RALGAPA1: variants seen among roughly 807,000 people sequenced by gnomAD.
RALGAPA1 encodes Ral GTPase activating protein catalytic subunit alpha 1.
In RALGAPA1, 52 loss-of-function variants were observed where a neutral mutation model predicts 269.6. The observed-to-expected ratio is 0.19, with a 90% CI of 0.15 to 0.24. RALGAPA1 has a LOEUF of 0.24. Ranked by LOEUF, RALGAPA1 falls within the 10% of genes least tolerant of loss-of-function variation. The pLI, the probability that RALGAPA1 is intolerant of heterozygous loss-of-function variation, is 1.00. For synonymous variants in RALGAPA1, 817 were observed against 1,008.3 expected, an observed-to-expected ratio of 0.81 and a Z score of 3.60; for missense variants, 1,917 against 3,013.9, an observed-to-expected ratio of 0.64 and a Z score of 8.52.
At chr14:35,776,572 G>A (rs905469739) in intron 1 of RALGAPA1, among the ~76,000 whole-genome samples, 3 of 152,176 alleles carry the variant, frequency 2.0e-5, no homozygotes, top group African/African-American at 7.2e-5. Context: ...ATGAACAGTA[G>A]AAGTGTTAGT....
At chr14:35,634,029 T>TTGCA (rs2061516882) in intron 33 of RALGAPA1, among the ~76,000 whole-genome samples, 1 of 152,176 alleles carries the variant, frequency 6.6e-6, no homozygotes, top group Admixed American at 6.5e-5. Context: ...AGAAAACAGA[T>TTGCA]ATTTAGCAAT....
chr14:35,626,898 C>T (rs2061023853), intron 34 of RALGAPA1, among the ~76,000 whole-genome samples, 192 bp downstream of exon 34: 1 of 151,462 alleles, frequency 6.6e-6, no homozygotes, highest in African/African-American at 2.4e-5. Context: ...TGATAATTTG[C>T]TGGATTATTT....
At chr14:35,745,545 C>A (rs966565166) in intron 10 of RALGAPA1, among the ~76,000 whole-genome samples, 10 of 148,566 alleles carry the variant, frequency 6.7e-5, no homozygotes, top group African/African-American at 2.5e-4. Context: ...GCGGGCAGAT[C>A]ACGAGGTCAG....
At chr14:35,566,568 G>A (rs1258546831) in intron 39 of RALGAPA1, among the ~76,000 whole-genome samples, 1 of 151,896 alleles carries the variant, frequency 6.6e-6, no homozygotes, top group Non-Finnish European at 1.5e-5. Context: ...AAGCCTACCT[G>A]TATCTCAATT....
chr14:35,675,418 C>T (rs1384403932), intron 22 of RALGAPA1, among the ~76,000 whole-genome samples: 8 of 152,144 alleles, frequency 5.3e-5, no homozygotes, highest in Admixed American at 1.3e-4. Flanking sequence ...CCTCATGATC[C>T]GCCCACCTTG....
intron 1 of RALGAPA1, among the ~76,000 whole-genome samples, chr14:35,796,507 T>C (rs2076570941): frequency 6.6e-6 from 1 of 152,128 alleles, no homozygotes; most frequent in Non-Finnish European, 1.5e-5. Context: ...TGATGAAAAC[T>C]ATAAACCCAC....
At chr14:35,654,919 A>T (rs1234473648) in intron 29 of RALGAPA1, among the ~76,000 whole-genome samples, 1 of 152,154 alleles carries the variant, frequency 6.6e-6, no homozygotes, top group Non-Finnish European at 1.5e-5. Flanking sequence ...CATTTCACCC[A>T]CACTTCAAAC....
intron 39 of RALGAPA1, among the ~76,000 whole-genome samples, chr14:35,563,030 A>T (rs1405355130): frequency 7.0e-6 from 1 of 142,852 alleles, no homozygotes; most frequent in Non-Finnish European, 1.5e-5. Flanking sequence ...CAAAAAAAAA[A>T]AAAAAAAAAA....
At chr14:35,747,285 C>T (rs999592987) in intron 10 of RALGAPA1, among the ~76,000 whole-genome samples, 1 of 152,142 alleles carries the variant, frequency 6.6e-6, no homozygotes, top group Non-Finnish European at 1.5e-5. Flanking sequence ...AATTTGAAAA[C>T]AAACACAAGA....
chr14:35,756,683 A>G, intron 7 of RALGAPA1, 110 bp downstream of exon 7: 1 of 748,688 alleles, frequency 1.3e-6, no homozygotes, highest in Non-Finnish European at 2.0e-6. Flanking sequence ...CTCCCTGACA[A>G]AAAGAAAATA....
At position 35,655,787 on chromosome 14, in the gene RALGAPA1, C is replaced by T; in HGVS notation, c.5496+20G>A. 1 of 1,608,234 alleles carries T rather than the reference C, an allele frequency of 6.2e-7. No homozygotes were observed. Among genetic ancestry groups the T allele is most frequent in the Non-Finnish European group, 8.5e-7 (1 of 1,178,440 alleles). ...CATTCTCTCCTATCTTAATATATTT[C>T]ACTAAACAGTTTTCTTTACCTTTAA... is the stretch of plus-strand genomic sequence containing the variant. On this transcript the variant is annotated intron_variant, in intron 29 of 41. Transcript: ENST00000680220.
chr14:35,544,581 C>T (rs1399835858), intron 41 of RALGAPA1, among the ~76,000 whole-genome samples: 1 of 152,026 alleles, frequency 6.6e-6, no homozygotes, highest in African/African-American at 2.4e-5. Context: ...GAAACTGAAC[C>T]AGCAGTTATC....
rs114544810 is a variant in RALGAPA1 at position 35,678,134 on chromosome 14, A to G, written c.4472-32T>C. On this transcript the variant is annotated intron_variant, in intron 21 of 41. Coordinates refer to ENST00000680220, the MANE Select transcript of RALGAPA1 (RefSeq NM_001346249.2). Reference sequence around the variant, plus strand: ...ATATAATTTCATAAAATTACCATAAAGAGTATTCAATATCCTACCTAAGAT... The same window carrying G: ...ATATAATTTCATAAAATTACCATAAGGAGTATTCAATATCCTACCTAAGAT... 1,611 of 1,582,890 alleles carry G rather than the reference A, an allele frequency of 1.0e-3. 6 individuals are homozygous for G. The African/African-American group carries it at 0.016, about 16-fold the overall frequency.
intron 1 of RALGAPA1, among the ~76,000 whole-genome samples, chr14:35,795,223 C>G (rs1243835410): frequency 1.3e-5 from 2 of 152,062 alleles, no homozygotes; most frequent in Non-Finnish European, 2.9e-5. Flanking sequence ...GAGGAGAAAG[C>G]AAATCCAGGT....
At chr14:35,663,943 A>G (rs1010625662) in intron 27 of RALGAPA1, among the ~76,000 whole-genome samples, 3 of 152,110 alleles carry the variant, frequency 2.0e-5, no homozygotes, top group South Asian at 2.1e-4. Context: ...TCTCAGTAAG[A>G]CACAGGTCTT....
intron 41 of RALGAPA1, among the ~76,000 whole-genome samples, chr14:35,544,911 G>T (rs1394285998): frequency 2.0e-5 from 3 of 152,092 alleles, no homozygotes; most frequent in African/African-American, 7.2e-5. Context: ...GCCAGGAGTG[G>T]TGGCATGGGC....
chr14:35,589,281 C>T (rs28664969), intron 37 of RALGAPA1, among the ~76,000 whole-genome samples: 16,814 of 152,016 alleles, frequency 0.11, 1,484 homozygotes, highest in East Asian at 0.31. Flanking sequence ...TGGAGAGAAG[C>T]TGGTCAAGGG....
At chr14:35,757,116 ATTATTTTTT>A (rs1332537879) in intron 6 of RALGAPA1, among the ~76,000 whole-genome samples, 1 of 135,772 alleles carries the variant, frequency 7.4e-6, no homozygotes, top group African/African-American at 3.0e-5. Flanking sequence ...TATTATTATT[ATTATTTTTT>A]TTTTTTTTTT....
Position 35,791,634 on chromosome 14 carries a change from C to T in RALGAPA1, c.107-15889G>A, listed in dbSNP as rs573578321. 3.6e-4 allele frequency among the ~76,000 whole-genome samples: 55 copies of T among 150,850 alleles called. No homozygotes were observed. The East Asian group carries it at 9.9e-3, about 27-fold the overall frequency. ...AAAAAAAAAAAGTATGGGCTGGGCA[C>T]GGTGGCTCACACCTGTAATCCCAAC... On this transcript the variant is annotated intron_variant, in intron 1 of 41. Coordinates refer to ENST00000680220, the MANE Select transcript of RALGAPA1 (RefSeq NM_001346249.2).
Sources: gnomAD v4.1 joint callset for allele counts (sites outside exome capture counted in the v4.1 genomes callset) on GRCh38, gnomAD v4.1.1 for gene constraint, MANE v1.5 for transcripts, NCBI Gene and HGNC (gene_info 2026-07-23, HGNC 2026-07-21) for gene names.